Variants in TTLL5 observed in about 807,000 individuals in gnomAD.
The protein encoded by TTLL5 is tubulin tyrosine ligase like 5.
TTLL5 carries 132 observed loss-of-function variants against 168.4 expected under a neutral mutation model. The ratio of observed to expected loss-of-function variants is 0.78; its 90% CI spans 0.68 to 0.91. The LOEUF is 0.91. Among genes scored for constraint, TTLL5 ranks in the 40% least tolerant of loss-of-function variants. TTLL5 has a pLI of 0.00. For missense variants in TTLL5, 1,545 were observed against 1,581.5 expected, an observed-to-expected ratio of 0.98 and a Z score of 0.39; for synonymous variants, 546 against 558.6, an observed-to-expected ratio of 0.98 and a Z score of 0.32.
At chr14:75,739,706 C>T (rs143388525) in intron 15 of TTLL5, among the ~76,000 whole-genome samples, 54 of 152,268 alleles carry the variant, frequency 3.5e-4, no homozygotes, top group African/African-American at 1.1e-3. Flanking sequence ...TCTTACCTCT[C>T]TGAGGCTCAA....
At chr14:75,880,824 T>C (rs989889740) in intron 29 of TTLL5, among the ~76,000 whole-genome samples, 8 of 152,208 alleles carry the variant, frequency 5.3e-5, no homozygotes, top group Non-Finnish European at 1.2e-4. Context: ...CTTGATTCTC[T>C]TGGACCATCC....
In TTLL5 at chr14:75,701,669, A is replaced by G. The variant is rs113696724; in HGVS notation, c.585+2399A>G. On this transcript the variant is annotated intron_variant, in intron 7 of 31. Transcript: ENST00000298832. ...TGGTGATAAGGTAGCCTCAAGTTCTACTCTTCTCTATCAGATTTCTGCACC... is the reference window on the plus strand; with the variant it reads ...TGGTGATAAGGTAGCCTCAAGTTCTGCTCTTCTCTATCAGATTTCTGCACC... Among the ~76,000 whole-genome samples, 1,003 of 151,724 alleles carry G rather than the reference A, an allele frequency of 6.6e-3. 8 individuals carry two copies. The highest frequency in any genetic ancestry group is 9.9e-3 in the East Asian group (51 of 5,158).
intron 2 of TTLL5, 118 bp from the exon 3 acceptor site, chr14:75,669,298 G>T (rs763199180): frequency 2.3e-6 from 2 of 864,362 alleles, no homozygotes; most frequent in Non-Finnish European, 3.6e-6. Flanking sequence ...CAGGATATTT[G>T]GGATTTGTAT....
At chr14:75,775,338 C>A in intron 21 of TTLL5, 146 bp from the exon 22 acceptor site, 1 of 895,482 alleles carries the variant, frequency 1.1e-6, no homozygotes, top group Non-Finnish European at 1.7e-6. Flanking sequence ...CTTCTTATAC[C>A]TAACCTTTTT....
At chr14:75,832,082 G>A (rs1895600588) in intron 28 of TTLL5, among the ~76,000 whole-genome samples, 1 of 151,966 alleles carries the variant, frequency 6.6e-6, no homozygotes. Context: ...CCCTTTTTAC[G>A]AAAGAACAGA....
intron 28 of TTLL5, among the ~76,000 whole-genome samples, chr14:75,834,541 C>T: frequency 6.6e-6 from 1 of 152,120 alleles, no homozygotes; most frequent in Non-Finnish European, 1.5e-5. Context: ...GGATCTAGCC[C>T]AGTTCTACCC....
At chr14:75,819,668 G>A (rs1894716055) in intron 27 of TTLL5, among the ~76,000 whole-genome samples, 1 of 152,218 alleles carries the variant, frequency 6.6e-6, no homozygotes, top group South Asian at 2.1e-4. Flanking sequence ...AACAAGGGCA[G>A]AAAGACTAGT....
At chr14:75,683,760 TGAA>T (rs1021960774) in intron 5 of TTLL5, 104 bp downstream of exon 5, 28 of 897,860 alleles carry the variant, frequency 3.1e-5, no homozygotes, top group African/African-American at 1.0e-4. Context: ...AAGATGAAAA[TGAA>T]GAAGAAGAAG....
chr14:75,730,664 CAGAG>C (rs1463274467), intron 12 of TTLL5, among the ~76,000 whole-genome samples: 1 of 151,718 alleles, frequency 6.6e-6, no homozygotes, highest in Admixed American at 6.6e-5. Context: ...AAAGAAATCT[CAGAG>C]AGAGAAATGA....
intron 28 of TTLL5, among the ~76,000 whole-genome samples, chr14:75,840,754 G>A (rs1896183374): frequency 6.6e-6 from 1 of 152,106 alleles, no homozygotes; most frequent in South Asian, 2.1e-4. Context: ...TAATTTCCAT[G>A]CCCTAGAAAT....
chr14:75,864,032 G>T (rs2030293545), intron 29 of TTLL5, among the ~76,000 whole-genome samples, 170 bp downstream of exon 29: 1 of 150,564 alleles, frequency 6.6e-6, no homozygotes, highest in African/African-American at 2.4e-5. Flanking sequence ...AAACTGTTCT[G>T]GAGCCATAAC....
intron 21 of TTLL5, among the ~76,000 whole-genome samples, chr14:75,774,234 G>C (rs1301807904): frequency 6.6e-6 from 1 of 151,978 alleles, no homozygotes; most frequent in Non-Finnish European, 1.5e-5. Flanking sequence ...ATCTCTCTTT[G>C]AAGCATTTAT....
Position 75,779,632 on chromosome 14 carries a change from T to G in TTLL5, c.2445T>G (p.Ser815Arg). The G allele has an allele frequency of 6.2e-7, 1 of 1,613,904 alleles. No individual in the cohort carries two copies. The highest frequency in any genetic ancestry group is 1.1e-5 in the South Asian group (1 of 91,016). The change falls in exon 24 of 32, where the codon AGT becomes AGG. Residue 815 changes from serine to arginine, a missense_variant. By Grantham distance (110) the Ser-to-Arg change is moderately radical. Transcript: ENST00000298832. ...ATACCCAAAAGAACAAGTCTGCTAG[T>G]GTCTTCCTGGGGACTCACTCTAAAA... ...TFYTQKNKSASVFLGTHSKIS... is the reference protein window; with the variant it reads ...TFYTQKNKSARVFLGTHSKIS...
chr14:75,779,806 C>G, intron 24 of TTLL5, 104 bp downstream of exon 24: 1 of 1,200,478 alleles, frequency 8.3e-7, no homozygotes, highest in Non-Finnish European at 1.1e-6. Flanking sequence ...CTAATAGTCC[C>G]CAAGGTAATG....
At chr14:75,907,359 G>T (rs1025340033) in intron 31 of TTLL5, among the ~76,000 whole-genome samples, 35 of 152,308 alleles carry the variant, frequency 2.3e-4, no homozygotes, top group African/African-American at 8.2e-4. Context: ...TCCCAGCCAT[G>T]GCCTTCAAAA....
intron 12 of TTLL5, chr14:75,732,135 G>A (rs1888589817): frequency 4.0e-6 from 2 of 505,026 alleles, no homozygotes; most frequent in Non-Finnish European, 7.0e-6. Flanking sequence ...GAATTTTATA[G>A]CATTGTTTTC....
At chr14:75,666,615 T>C (rs924295833) in intron 2 of TTLL5, among the ~76,000 whole-genome samples, 5 of 152,174 alleles carry the variant, frequency 3.3e-5, no homozygotes, top group African/African-American at 1.2e-4. Context: ...CTGAAGGAGC[T>C]GGGGAAGGCT....
At chr14:75,871,325 T>C (rs2031014932) in intron 29 of TTLL5, among the ~76,000 whole-genome samples, 1 of 152,106 alleles carries the variant, frequency 6.6e-6, no homozygotes, top group African/African-American at 2.4e-5. Context: ...ATTCCACTGA[T>C]GAGGAAATCA....
intron 27 of TTLL5, among the ~76,000 whole-genome samples, chr14:75,805,451 C>T (rs1459055109): frequency 6.6e-6 from 1 of 152,200 alleles, no homozygotes; most frequent in East Asian, 1.9e-4. Context: ...TCCAGCATAT[C>T]TCTGAATTCT....
Sources: allele counts gnomAD v4.1 joint callset (sites outside exome capture counted in the v4.1 genomes callset), GRCh38; gene constraint gnomAD v4.1.1; transcripts MANE v1.5; gene names NCBI Gene and HGNC (gene_info 2026-07-23, HGNC 2026-07-21).